TRAPPC12: variants seen among roughly 807,000 people sequenced by gnomAD.
TRAPPC12 encodes the protein TPR repeat protein 15.
A neutral mutation model predicts 69.2 loss-of-function variants in TRAPPC12; 61 were observed. The ratio of observed to expected loss-of-function variants is 0.88; its 90% confidence interval spans 0.72 to 1.09. The LOEUF is 1.09. TRAPPC12 is among the 50% of genes least tolerant of loss of function. The probability of loss-of-function intolerance (pLI) is 0.00; values close to 1 mark genes in which losing one functional copy is unlikely to be tolerated. For missense variants in TRAPPC12, 1,101 were observed against 1,016.4 expected, an observed-to-expected ratio of 1.08 and a Z score of -1.13; for synonymous variants, 469 against 438.9, an observed-to-expected ratio of 1.07 and a Z score of -0.86.
rs781758601 is a variant in TRAPPC12, at chr2:3,387,937, C to T, written c.314C>T (p.Ala105Val). The part of the protein sequence containing the change: ...GGEGDPGPEP[A>V]GTPSPSGEAD... ...GAAGGCGACCCAGGCCCGGAGCCCG[C>T]GGGCACCCCGAGTCCCAGCGGCGAG... Residue 105 changes from alanine to valine, a missense_variant, in exon 2 of 12, where the codon GCG (alanine) becomes GTG (valine). By Grantham distance (64) the Ala-to-Val change is moderately conservative (BLOSUM62 0). Coordinates refer to ENST00000324266, the MANE Select transcript of TRAPPC12 (RefSeq NM_016030.6). 2 of 1,502,226 alleles carry T rather than the reference C, an allele frequency of 1.3e-6. No homozygotes were observed. The highest frequency in any genetic ancestry group is 8.9e-7 in the Non-Finnish European group (1 of 1,127,492). The allele number at this position is 1,502,226 out of a possible 1,614,324, so 93.1% of individuals were successfully genotyped here.
intron 3 of TRAPPC12, among the ~76,000 whole-genome samples, chr2:3,419,207 C>T (rs1662627787): frequency 6.6e-6 from 1 of 152,176 alleles, no homozygotes; most frequent in African/African-American, 2.4e-5. Flanking sequence ...GAGCCTTAGG[C>T]CTAGGGAACC....
chr2:3,462,089 C>T (rs556152895), intron 8 of TRAPPC12, among the ~76,000 whole-genome samples: 26 of 152,370 alleles, frequency 1.7e-4, no homozygotes, highest in Admixed American at 1.2e-3. Context: ...ACAGGACTGA[C>T]GTTTCACTAA....
rs1358949616 is a variant in TRAPPC12 at position 3,478,904 on chromosome 2, A to G, written c.1936A>G (p.Ile646Val). The G allele has an allele frequency of 7.4e-6, 12 of 1,614,138 alleles. No individual in the cohort carries two copies. Among genetic ancestry groups the G allele is most frequent in the African/African-American group, 1.3e-5 (1 of 75,036 alleles). ...FAEAHRFFTE[I>V]LRMDPRNAVA... Reference sequence around the variant, plus strand: ...AGAAGCCCACAGGTTCTTCACAGAGATCTTAAGGATGGATCCAAGAAACGC... The same window carrying G: ...AGAAGCCCACAGGTTCTTCACAGAGGTCTTAAGGATGGATCCAAGAAACGC... Residue 646 changes from isoleucine (I) to valine (V), a missense_variant, in exon 11 of 12, where the codon ATC (isoleucine) becomes GTC (valine). Physicochemically the swap from Ile to Val is conservative, Grantham distance 29. Coordinates refer to ENST00000324266, the MANE Select transcript of TRAPPC12 (RefSeq NM_016030.6).
At chr2:3,471,707 C>T (rs1022406929) in intron 9 of TRAPPC12, among the ~76,000 whole-genome samples, 1 of 152,180 alleles carries the variant, frequency 6.6e-6, no homozygotes, top group African/African-American at 2.4e-5. Flanking sequence ...ACAGAAGAAG[C>T]ATTATATTCA....
intron 4 of TRAPPC12, 119 bp from the exon 5 acceptor site, chr2:3,424,406 G>T: frequency 1.2e-6 from 1 of 851,310 alleles, no homozygotes; most frequent in Non-Finnish European, 1.8e-6. Flanking sequence ...TAGAAAGTTA[G>T]GTTAGCCCTT....
intron 5 of TRAPPC12, among the ~76,000 whole-genome samples, chr2:3,427,540 G>T (rs930701551): frequency 6.6e-6 from 1 of 152,324 alleles, no homozygotes; most frequent in Admixed American, 6.5e-5. Flanking sequence ...TATGACAGGT[G>T]TTTAAGAATG....
chr2:3,448,795 G>C (rs182245425), intron 6 of TRAPPC12, among the ~76,000 whole-genome samples: 33 of 152,308 alleles, frequency 2.2e-4, no homozygotes, highest in Admixed American at 6.5e-4. Flanking sequence ...CGTGTGCCGG[G>C]AGCACAATCC....
chr2:3,448,585 T>C (rs1230510852), intron 6 of TRAPPC12, among the ~76,000 whole-genome samples: 2 of 138,314 alleles, frequency 1.4e-5, no homozygotes, highest in Non-Finnish European at 2.9e-5. Context: ...CCGCAGGGCG[T>C]GGAGAGCAGC....
intron 3 of TRAPPC12, among the ~76,000 whole-genome samples, chr2:3,412,350 C>T (rs1327219888): frequency 6.6e-6 from 1 of 152,104 alleles, no homozygotes; most frequent in African/African-American, 2.4e-5. Context: ...CACCTGAGGT[C>T]AGGAGTTTTA....
At position 3,465,588 on chromosome 2, in the gene TRAPPC12, T is replaced by A; in HGVS notation, c.1678-9T>A. ...AGCTCTAAAGTACGTTGGGTTTTTC[T>A]TCCCACAGGATTATGTGCTGGCCGT... On this transcript the variant is annotated splice_polypyrimidine_tract_variant and intron_variant, in intron 8 of 11. Coordinates refer to ENST00000324266, the MANE Select transcript of TRAPPC12 (RefSeq NM_016030.6). 6.2e-7 allele frequency: 1 copy of A among 1,610,134 alleles called. No individual in the cohort carries two copies. Among genetic ancestry groups the A allele is most frequent in the Non-Finnish European group, 8.5e-7 (1 of 1,176,316 alleles).
intron 4 of TRAPPC12, among the ~76,000 whole-genome samples, chr2:3,422,293 TG>T (rs1288796370): frequency 6.6e-6 from 1 of 152,152 alleles, no homozygotes; most frequent in African/African-American, 2.4e-5. Context: ...GCAACTGGCC[TG>T]TGCGGGGCTC....
In TRAPPC12 at chr2:3,414,857, T is replaced by C. The variant is rs866818200; in HGVS notation, c.1165-7024T>C. On this transcript the variant is annotated intron_variant, in intron 3 of 11. Coordinates refer to ENST00000324266, the MANE Select transcript of TRAPPC12 (RefSeq NM_016030.6). This position sits in a 1 kb window ranked among gnomAD's most constrained non-coding sequence, Gnocchi z 4.9. ...TATGTGTGCATGTATGTATTTCTTA[T>C]GGACATCACGTACGTTGGCCCTTCA... 6.6e-6 allele frequency among the ~76,000 whole-genome samples: 1 copy of C among 152,218 alleles called. No homozygotes were observed. The highest frequency in any genetic ancestry group is 1.9e-4 in the East Asian group (1 of 5,192).
chr2:3,462,328 T>G (rs1343336759), intron 8 of TRAPPC12, among the ~76,000 whole-genome samples: 1 of 152,248 alleles, frequency 6.6e-6, no homozygotes, highest in East Asian at 1.9e-4. Context: ...GGACATGATT[T>G]AATTTGAAAG....
rs181294913 is a variant in TRAPPC12 at position 3,436,600 on chromosome 2, A to G, written c.1418-7179A>G. 1.2e-4 allele frequency among the ~76,000 whole-genome samples: 18 copies of G among 152,150 alleles called. No individual in the cohort carries two copies. In the East Asian group the frequency reaches 3.3e-3, roughly 28 times the overall value. ...TAGCGGTACATTGTTGTTAAAGTAC[A>G]TAGTTTACCTTAGGGCTCACTCTTG... On this transcript the variant is annotated intron_variant, in intron 5 of 11. Coordinates refer to ENST00000324266, the MANE Select transcript of TRAPPC12 (RefSeq NM_016030.6).
chr2:3,465,478 T>C (rs1453169036), intron 8 of TRAPPC12, 119 bp from the exon 9 acceptor site: 1 of 700,470 alleles, frequency 1.4e-6, no homozygotes, highest in Non-Finnish European at 2.5e-6. Flanking sequence ...CCCCGCCAGC[T>C]CCTGCGTCAG....
chr2:3,435,341 G>A (rs1421772170), intron 5 of TRAPPC12, among the ~76,000 whole-genome samples: 2 of 152,194 alleles, frequency 1.3e-5, no homozygotes, highest in Non-Finnish European at 2.9e-5. Flanking sequence ...TACTGGGGGG[G>A]CAGGGGAATG....
chr2:3,473,774 A>G (rs1051542525), intron 9 of TRAPPC12, among the ~76,000 whole-genome samples: 1 of 152,228 alleles, frequency 6.6e-6, no homozygotes, highest in South Asian at 2.1e-4. Context: ...CCCAGCTGAA[A>G]TGAGTTTTCT....
chr2:3,397,289 G>A (rs1661189159), intron 2 of TRAPPC12, among the ~76,000 whole-genome samples: 1 of 152,104 alleles, frequency 6.6e-6, no homozygotes, highest in Non-Finnish European at 1.5e-5. Flanking sequence ...TTCTACTTTT[G>A]GGTGACCTTT....
intron 2 of TRAPPC12, among the ~76,000 whole-genome samples, chr2:3,391,212 C>T (rs1572085985): frequency 6.6e-6 from 1 of 152,176 alleles, no homozygotes; most frequent in African/African-American, 2.4e-5. Flanking sequence ...TTACTGGCCT[C>T]AGATCCTGTG....
Sources: gnomAD v4.1 joint callset for allele counts (sites outside exome capture counted in the v4.1 genomes callset) on GRCh38, gnomAD v4.1.1 for gene constraint, Gnocchi (gnomAD v3.1) non-coding constraint, MANE v1.5 for transcripts, NCBI Gene and HGNC (gene_info 2026-07-23, HGNC 2026-07-21) for gene names.